The following SNX17 variants were observed in gnomAD, a reference collection of about 807,000 sequenced individuals.
SNX17 encodes the protein sorting nexin-17.
A neutral mutation model predicts 64.3 loss-of-function variants in SNX17; 35 were observed. The observed-to-expected ratio is 0.54, with a 90% confidence interval of 0.42 to 0.72. The LOEUF (loss-of-function observed/expected upper bound fraction) is 0.72. Ranked by LOEUF, SNX17 falls within the 30% of genes least tolerant of loss-of-function variation. SNX17 has a pLI of 0.00. For synonymous variants in SNX17, 259 were observed against 230.2 expected (o/e 1.13, Z -1.13); for missense variants, 538 against 610.0 (o/e 0.88, Z 1.24).
At chr2:27,371,136 G>A (rs1682469136) in intron 1 of SNX17, 133 bp from the exon 2 acceptor site, 2 of 842,764 alleles carry the variant, frequency 2.4e-6, no homozygotes, top group Admixed American at 2.2e-5. Flanking sequence ...TGGCCCTGGC[G>A]AAAACAAGCG....
In SNX17 at chr2:27,371,352, A is replaced by G. The variant is rs540320099; in HGVS notation, c.138+9A>G. 3.7e-6 allele frequency: 6 copies of G among 1,608,890 alleles called. No individual in the cohort carries two copies. In the African/African-American group the frequency reaches 4.0e-5, roughly 11 times the overall value. On this transcript the variant is annotated intron_variant, in intron 2 of 14. Coordinates refer to ENST00000233575, the MANE Select transcript of SNX17 (RefSeq NM_014748.4). ...TGGGGCTGCACGAGCAGGTGGGACT[A>G]GCACCCCTGCCTTGAGACAGCTTCA...
At position 27,376,819 on chromosome 2, in the gene SNX17, T is replaced by C. The variant is rs1683295053; in HGVS notation, c.*100T>C. 1 of 958,852 alleles carries C rather than the reference T, an allele frequency of 1.0e-6. No homozygotes were observed. The highest frequency in any genetic ancestry group is 1.6e-6 in the Non-Finnish European group (1 of 623,494). 59.4% of individuals were successfully genotyped at this position (958,852 alleles called of 1,614,324 possible). On this transcript the variant is annotated 3_prime_UTR_variant, in exon 15 of 15. Transcript: ENST00000233575. ...GCTAGGGGCGGAGGGGTCTTTTCCTTCTTCTTTCCTACCTACCCCTTTTCT... is the reference window on the plus strand; with the variant it reads ...GCTAGGGGCGGAGGGGTCTTTTCCTCCTTCTTTCCTACCTACCCCTTTTCT...
rs1336204899 is a variant in SNX17, at chr2:27,377,238, G to A, written c.*519G>A. ...GCCAATTCAGCATAGACATGGCTTT[G>A]TTAGTGTTTCCTTTATTATAAAGCA... On this transcript the variant is annotated 3_prime_UTR_variant, in exon 15 of 15. Transcript: ENST00000233575. The surrounding 1 kb of genome is among the most constrained non-coding windows in gnomAD (Gnocchi z 4.4). The A allele has an allele frequency of 1.1e-5, 6 of 550,216 alleles. No homozygotes were observed. Among genetic ancestry groups the A allele is most frequent in the Non-Finnish European group, 2.0e-5 (6 of 304,616 alleles). The allele number at this position is 550,216 out of a possible 1,614,324, so 34.1% of individuals were successfully genotyped here.
In SNX17 at chr2:27,376,672, G is replaced by A. The variant is rs776504364; in HGVS notation, c.1366G>A (p.Val456Ile). Residue 456 changes from valine (V) to isoleucine (I), a missense_variant, in exon 15 of 15, where the codon GTC (valine) becomes ATC (isoleucine). By Grantham distance (29) the Val-to-Ile change is conservative. Coordinates refer to ENST00000233575, the MANE Select transcript of SNX17 (RefSeq NM_014748.4). ...SPSTDASASD[V>I]HGNFAFEGIG... is the part of the protein sequence containing the mutation. ...CAGCACAGATGCCAGTGCCAGTGAT[G>A]TCCACGGCAATTTCGCCTTCGAGGG... The A allele has an allele frequency of 1.9e-6, 3 of 1,614,092 alleles. No individual in the cohort carries two copies. The highest frequency in any genetic ancestry group is 1.7e-5 in the Admixed American group (1 of 60,012).
intron 4 of SNX17, 79 bp downstream of exon 4, chr2:27,373,390 T>A: frequency 6.8e-7 from 1 of 1,477,200 alleles, no homozygotes; most frequent in Non-Finnish European, 9.4e-7. Flanking sequence ...TGAGACAGAG[T>A]CTTGCTCTTT....
Position 27,375,335 on chromosome 2 carries a change from T to C in SNX17, c.775-171T>C, listed in dbSNP as rs1683077332. 6.6e-6 allele frequency among the ~76,000 whole-genome samples: 1 copy of C among 152,192 alleles called. No homozygotes were observed. Among genetic ancestry groups the C allele is most frequent in the South Asian group, 2.1e-4 (1 of 4,834 alleles). ...TTGTATTTTTGGGAGAGACAGGGTTTCACCATGTTAGCCAGGATGGTCTTG... is the reference window on the plus strand; with the variant it reads ...TTGTATTTTTGGGAGAGACAGGGTTCCACCATGTTAGCCAGGATGGTCTTG... On this transcript the variant is annotated intron_variant, in intron 9 of 14. Coordinates refer to ENST00000233575, the MANE Select transcript of SNX17 (RefSeq NM_014748.4). This position sits in a 1 kb window ranked among gnomAD's most constrained non-coding sequence, Gnocchi z 4.1.
intron 4 of SNX17, 86 bp downstream of exon 4, chr2:27,373,397 C>T: frequency 1.4e-6 from 2 of 1,407,810 alleles, no homozygotes; most frequent in Non-Finnish European, 2.0e-6. Context: ...GAGTCTTGCT[C>T]TTTTGCACAG....
rs1682731577 is a variant in SNX17, at chr2:27,372,487, CAGAT to C, written c.139-135_139-132del. 33 of 1,242,616 alleles carry C rather than the reference CAGAT, an allele frequency of 2.7e-5. No individual in the cohort carries two copies. In the South Asian group the frequency reaches 4.4e-4, roughly 17 times the overall value. The allele number at this position is 1,242,616 out of a possible 1,614,324, so 77.0% of individuals were successfully genotyped here. A position where few individuals can be genotyped will look rare whatever the true frequency, so the allele number is the denominator to read the frequency against. ...TACCGCTGTCAAAGGAATTGTTTCT[CAGAT>C]GACCAGGGTAGACAGGGGAACAGGG... On this transcript the variant is annotated intron_variant, in intron 2 of 14. Transcript: ENST00000233575.
At chr2:27,371,951 C>T (rs1682634139) in intron 2 of SNX17, among the ~76,000 whole-genome samples, 1 of 152,202 alleles carries the variant, frequency 6.6e-6, no homozygotes, top group Non-Finnish European at 1.5e-5. Context: ...GTGGCACGAT[C>T]TCGGCTCACT....
chr2:27,374,658 C>T lies in SNX17; in HGVS notation c.612-31C>T, dbSNP rs1220128393. 6 of 1,607,560 alleles carry T rather than the reference C, an allele frequency of 3.7e-6. No individual in the cohort carries two copies. In the South Asian group the frequency reaches 4.4e-5, roughly 12 times the overall value. ...CTCTTGCCTTAACCCAGCTTAGCCC[C>T]ATTACCCCTTTCCACCCCTTGGCCT... On this transcript the variant is annotated intron_variant, in intron 7 of 14. Transcript: ENST00000233575.
chr2:27,372,727 G>C lies in SNX17; in HGVS notation c.243G>C (p.Lys81Asn). The C allele has an allele frequency of 6.2e-7, 1 of 1,614,232 alleles. No individual in the cohort carries two copies. The highest frequency in any genetic ancestry group is 8.5e-7 in the Non-Finnish European group (1 of 1,180,040). The change falls in exon 3 of 15, where the codon AAG becomes AAC. Residue 81 changes from lysine to asparagine, a missense_variant. Coordinates refer to ENST00000233575, the MANE Select transcript of SNX17 (RefSeq NM_014748.4). ...AACAGAGGAGAGAGCAGTTAGAGAA[G>C]TACATGCAAGCTGGTGAGTGGTTGC... ...EVEQRREQLE[K>N]YMQAVRQDPL...
chr2:27,372,687 C>T lies in SNX17; in HGVS notation c.203C>T (p.Thr68Ile). The stretch of plus-strand genomic sequence containing the variant: ...CCCCCAAAGAAGCTTTTCTCTCTGA[C>T]TCCTGCTGAGGTAGAACAGAGGAGA... ...AFPPKKLFSL[T>I]PAEVEQRREQ... Residue 68 changes from threonine to isoleucine, a missense_variant, in exon 3 of 15, where the codon ACT becomes ATT. By Grantham distance (89) the Thr-to-Ile change is moderately conservative. Coordinates refer to ENST00000233575, the MANE Select transcript of SNX17 (RefSeq NM_014748.4). 6.2e-7 allele frequency: 1 copy of T among 1,614,206 alleles called. No homozygotes were observed. The highest frequency in any genetic ancestry group is 8.5e-7 in the Non-Finnish European group (1 of 1,180,028).
chr2:27,371,907 G>A (rs1035094259), intron 2 of SNX17, among the ~76,000 whole-genome samples: 37 of 151,362 alleles, frequency 2.4e-4, no homozygotes, highest in African/African-American at 9.1e-4. Flanking sequence ...TTTTTGGGAC[G>A]GAGTTTCTCT....
chr2:27,371,270 C>T lies in SNX17; in HGVS notation c.65C>T (p.Ala22Val). ...GCTTGACTACTTTTGTGTCCTCAGG[C>T]CTATAACATTCACGTGAATGGAGTC... ...SGDSGGSAYV[A>V]YNIHVNGVLH... Residue 22 changes from alanine to valine, a missense_variant and splice_region_variant, in exon 2 of 15, where the codon GCC becomes GTC. Ala to Val is a moderately conservative substitution (Grantham distance 64). Coordinates refer to ENST00000233575, the MANE Select transcript of SNX17 (RefSeq NM_014748.4). 1 of 1,613,472 alleles carries T rather than the reference C, an allele frequency of 6.2e-7. No individual in the cohort carries two copies. Among genetic ancestry groups the T allele is most frequent in the Non-Finnish European group, 8.5e-7 (1 of 1,179,966 alleles).
chr2:27,373,772 GAC>G, intron 4 of SNX17, 87 bp from the exon 5 acceptor site: 1 of 852,854 alleles, frequency 1.2e-6, no homozygotes, highest in Non-Finnish European at 2.0e-6. Context: ...TGAGAATAAA[GAC>G]ACACAAGGGA....
At position 27,376,798 on chromosome 2, in the gene SNX17, G is replaced by A. The variant is rs1683292448; in HGVS notation, c.*79G>A. 4 of 1,186,594 alleles carry A rather than the reference G, an allele frequency of 3.4e-6. No homozygotes were observed. The highest frequency in any genetic ancestry group is 2.6e-5 in the South Asian group (2 of 77,668). 73.5% of individuals were successfully genotyped at this position (1,186,594 alleles called of 1,614,324 possible). ...CCCTGTGCCTGTGTCCCCCATGCTA[G>A]GGGCGGAGGGGTCTTTTCCTTCTTC... On this transcript the variant is annotated 3_prime_UTR_variant, in exon 15 of 15. Coordinates refer to ENST00000233575, the MANE Select transcript of SNX17 (RefSeq NM_014748.4).
chr2:27,375,875 C>T lies in SNX17; in HGVS notation c.1008C>T (p.Ser336=). The T allele has an allele frequency of 1.2e-6, 2 of 1,614,020 alleles. No homozygotes were observed. The highest frequency in any genetic ancestry group is 1.7e-6 in the Non-Finnish European group (2 of 1,179,984). ...CATTGCCCAGTGGAAGCACGAGCAG[C>T]CCAGGCCGGGGCCGGGGTGAGGTGC... ...SVPLPSGSTS[S]PGRGRGEVRL... is the part of the protein sequence containing the mutation. Residue 336 remains serine (S), a synonymous_variant, in exon 11 of 15, where the codon AGC becomes AGT. Coordinates refer to ENST00000233575, the MANE Select transcript of SNX17 (RefSeq NM_014748.4). The surrounding 1 kb of genome is among the most constrained non-coding windows in gnomAD (Gnocchi z 4.1).
At position 27,377,100 on chromosome 2, in the gene SNX17, A is replaced by G. The variant is rs1316255284; in HGVS notation, c.*381A>G. On this transcript the variant is annotated 3_prime_UTR_variant, in exon 15 of 15. Transcript: ENST00000233575. This position sits in a 1 kb window ranked among gnomAD's most constrained non-coding sequence, Gnocchi z 4.4. ...TGTGTTTGGTCTGGCCCAGTTCCCC[A>G]TCATTAAACTCAGCCTGACTGCTGC... is the stretch of plus-strand genomic sequence containing the variant. 7.4e-6 allele frequency: 3 copies of G among 403,248 alleles called. No individual in the cohort carries two copies. Among genetic ancestry groups the G allele is most frequent in the African/African-American group, 6.1e-5 (3 of 48,826 alleles). 25.0% of individuals were successfully genotyped at this position (403,248 alleles called of 1,614,324 possible). A position where few individuals can be genotyped will look rare whatever the true frequency, so the allele number is the denominator to read the frequency against.
At chr2:27,371,434 G>T (rs553582993) in intron 2 of SNX17, 91 bp downstream of exon 2, 1 of 1,489,070 alleles carries the variant, frequency 6.7e-7, no homozygotes, top group Non-Finnish European at 8.9e-7. Flanking sequence ...TCTTGTTCCC[G>T]TAGGCTGTAG....
Sources: gnomAD v4.1 joint callset for allele counts (sites outside exome capture counted in the v4.1 genomes callset) on GRCh38, gnomAD v4.1.1 for gene constraint, Gnocchi (gnomAD v3.1) non-coding constraint, MANE v1.5 for transcripts, NCBI Gene and HGNC (gene_info 2026-07-23, HGNC 2026-07-21) for gene names.